PCDHGA8: variants seen among roughly 807,000 people sequenced by gnomAD.
PCDHGA8 encodes the protein protocadherin gamma-A8.
Under a neutral mutation model 59.2 loss-of-function variants are expected in PCDHGA8, and 45 were observed. The observed-to-expected ratio is 0.76, with a 90% CI of 0.60 to 0.98. The LOEUF is 0.98. Ranked by LOEUF, PCDHGA8 falls within the 50% of genes least tolerant of loss-of-function variation. The probability of loss-of-function intolerance (pLI) is 0.00; values close to 1 mark genes in which losing one functional copy is unlikely to be tolerated. For missense variants in PCDHGA8, 1,257 were observed against 1,196.2 expected, an observed-to-expected ratio of 1.05 and a Z score of -0.75; for synonymous variants, 531 against 519.0, an observed-to-expected ratio of 1.02 and a Z score of -0.32.
intron 1 of PCDHGA8, among the ~76,000 whole-genome samples, chr5:141,425,922 A>G (rs1485934946): frequency 6.6e-6 from 1 of 152,240 alleles, no homozygotes; most frequent in Non-Finnish European, 1.5e-5. Context: ...TCACTACGAA[A>G]ACTCATAAAA....
At chr5:141,402,908 G>A (rs772824235) in intron 1 of PCDHGA8, 1 of 1,545,226 alleles carries the variant, frequency 6.5e-7, no homozygotes, top group Admixed American at 2.0e-5. Context: ...TGATGAAGCA[G>A]CGCGCACAGA....
chr5:141,448,166 A>G (rs1475687778), intron 1 of PCDHGA8, among the ~76,000 whole-genome samples: 2 of 151,978 alleles, frequency 1.3e-5, no homozygotes, highest in Non-Finnish European at 2.9e-5. Context: ...AAAGATCACT[A>G]CTATTCATCC....
chr5:141,479,109 A>G (rs925202951), intron 1 of PCDHGA8, among the ~76,000 whole-genome samples: 4 of 152,234 alleles, frequency 2.6e-5, no homozygotes, highest in Admixed American at 2.6e-4. Context: ...TATTTCAAGC[A>G]TTCTACTGGA....
intron 1 of PCDHGA8, among the ~76,000 whole-genome samples, chr5:141,425,048 T>C (rs1590618422): frequency 6.6e-6 from 1 of 152,350 alleles, no homozygotes; most frequent in African/African-American, 2.4e-5. Flanking sequence ...AAACTGACTA[T>C]CTAGGGCTCG....
chr5:141,504,583 A>C (rs1230825472), intron 2 of PCDHGA8, among the ~76,000 whole-genome samples: 5 of 146,622 alleles, frequency 3.4e-5, no homozygotes, highest in Non-Finnish European at 7.4e-5. Context: ...CCATCTGCCC[A>C]GGATTCACAG....
intron 1 of PCDHGA8, chr5:141,417,670 A>T: frequency 1.1e-6 from 1 of 929,118 alleles, no homozygotes; most frequent in Admixed American, 3.2e-5. Context: ...TTCCCTGCGC[A>T]GCCAACAACA....
rs922804811 is a variant in PCDHGA8 at position 141,432,794 on chromosome 5, G to A, written c.2424+37557G>A. On this transcript the variant is annotated intron_variant, in intron 1 of 3. Coordinates refer to ENST00000398604, the MANE Select transcript of PCDHGA8 (RefSeq NM_032088.2). This position sits in a 1 kb window ranked among gnomAD's most constrained non-coding sequence, Gnocchi z 6.0. ...AGTCCTGGCGGACCTCGGCAGCCTC[G>A]AGTCTCCAGCTAACTCTGAAACCTC... The A allele has an allele frequency of 3.7e-6, 6 of 1,614,138 alleles. No homozygotes were observed. Among genetic ancestry groups the A allele is most frequent in the Non-Finnish European group, 5.1e-6 (6 of 1,180,000 alleles).
intron 1 of PCDHGA8, chr5:141,427,310 C>A (rs989300491): frequency 2.2e-5 from 10 of 456,738 alleles, no homozygotes; most frequent in African/African-American, 1.8e-4. Flanking sequence ...ATGACAATGC[C>A]CCAGACGTGG....
chr5:141,409,213 C>T (rs1379007048), intron 1 of PCDHGA8: 1 of 1,613,994 alleles, frequency 6.2e-7, no homozygotes, highest in Admixed American at 1.7e-5. Context: ...TCATAGAAAT[C>T]CTTGATGAAA....
chr5:141,497,312 G>A (rs940721317), intron 2 of PCDHGA8, among the ~76,000 whole-genome samples: 7 of 152,038 alleles, frequency 4.6e-5, no homozygotes, highest in African/African-American at 1.7e-4. Flanking sequence ...CCATACACTG[G>A]CTTTGAAGCA....
intron 1 of PCDHGA8, chr5:141,410,849 CTTTT>C (rs759346998): frequency 4.9e-3 from 673 of 137,520 alleles, no homozygotes; most frequent in South Asian, 8.7e-3. Flanking sequence ...TTGTCTTTGT[CTTTT>C]TTTTTTTTTT....
intron 1 of PCDHGA8, chr5:141,410,442 C>G (rs1444532577): frequency 6.2e-7 from 1 of 1,613,942 alleles, no homozygotes; most frequent in Admixed American, 1.7e-5. Context: ...AGTGAGGGGA[C>G]TTTGCCTTAT....
chr5:141,421,541 T>A (rs1235004908), intron 1 of PCDHGA8: 9 of 1,613,912 alleles, frequency 5.6e-6, no homozygotes, highest in African/African-American at 1.3e-5. Flanking sequence ...TCCTGTTTTT[T>A]AAATATGGAA....
rs760509503 is a variant in PCDHGA8 at position 141,432,756 on chromosome 5, A to T, written c.2424+37519A>T. The T allele has an allele frequency of 5.6e-6, 9 of 1,613,958 alleles. No homozygotes were observed. Among genetic ancestry groups the T allele is most frequent in the Non-Finnish European group, 7.6e-6 (9 of 1,179,994 alleles). On this transcript the variant is annotated intron_variant, in intron 1 of 3. Transcript: ENST00000398604. This position sits in a 1 kb window ranked among gnomAD's most constrained non-coding sequence, Gnocchi z 6.0. ...GTCACGCTCACCGTGGCCGTGGCCG[A>T]CAGCATCCCCCAAGTCCTGGCGGAC...
At position 141,487,796 on chromosome 5, in the gene PCDHGA8, T is replaced by C. The variant is rs766798983; in HGVS notation, c.2425-7011T>C. ...TAACTGTTTCGTGAATTAACCAGAG[T>C]TGTCACAGTTTAGCATTGGGGGCGG... On this transcript the variant is annotated intron_variant, in intron 1 of 3. Coordinates refer to ENST00000398604, the MANE Select transcript of PCDHGA8 (RefSeq NM_032088.2). The surrounding 1 kb of genome is among the most constrained non-coding windows in gnomAD (Gnocchi z 5.0). 15 of 1,498,660 alleles carry C rather than the reference T, an allele frequency of 1.0e-5. No homozygotes were observed. The highest frequency in any genetic ancestry group is 1.4e-5 in the Non-Finnish European group (15 of 1,110,900). 92.8% of individuals were successfully genotyped at this position (1,498,660 alleles called of 1,614,324 possible). A position where few individuals can be genotyped will look rare whatever the true frequency, so the allele number is the denominator to read the frequency against.
At position 141,489,635 on chromosome 5, in the gene PCDHGA8, G is replaced by A. The variant is rs1380466520; in HGVS notation, c.2425-5172G>A. On this transcript the variant is annotated intron_variant, in intron 1 of 3. Coordinates refer to ENST00000398604, the MANE Select transcript of PCDHGA8 (RefSeq NM_032088.2). The surrounding 1 kb of genome is among the most constrained non-coding windows in gnomAD (Gnocchi z 4.5). Reference sequence around the variant, plus strand: ...CTGGATCTCAATGACAACTCTCCTAGCTTTGCCACCCCTGAGCGAGAGATG... The same window carrying A: ...CTGGATCTCAATGACAACTCTCCTAACTTTGCCACCCCTGAGCGAGAGATG... 6.2e-7 allele frequency: 1 copy of A among 1,614,142 alleles called. No individual in the cohort carries two copies. The highest frequency in any genetic ancestry group is 8.5e-7 in the Non-Finnish European group (1 of 1,180,012).
intron 2 of PCDHGA8, among the ~76,000 whole-genome samples, chr5:141,504,280 C>T (rs1027657223): frequency 6.6e-6 from 1 of 152,076 alleles, no homozygotes; most frequent in Admixed American, 6.6e-5. Context: ...AATTATGAAT[C>T]ATTTCATGTT....
chr5:141,407,505 T>TTTTTTTTTTTTTTTTTGAGACGG (rs1460306566), intron 1 of PCDHGA8, among the ~76,000 whole-genome samples: 2 of 152,146 alleles, frequency 1.3e-5, no homozygotes, highest in African/African-American at 4.8e-5. Flanking sequence ...CTGTTTTTCT[T>TTTTTTTTTTTTTTTTTGAGACGG]AGGCTATGTA....
chr5:141,393,000 G>C lies in PCDHGA8; in HGVS notation c.187G>C (p.Gly63Arg), dbSNP rs772046833. ...GGACCCCCGGAAGCTGGCGAAGCACGGAGTCCGTATCGTCTCCAGAGGTAG... is the reference window on the plus strand; with the variant it reads ...GGACCCCCGGAAGCTGGCGAAGCACCGAGTCCGTATCGTCTCCAGAGGTAG... ...GLDPRKLAKH[G>R]VRIVSRGRTQ... Residue 63 changes from glycine to arginine, a missense_variant, in exon 1 of 4, where the codon GGA (glycine) becomes CGA (arginine). Physicochemically the swap from Gly to Arg is moderately radical, Grantham distance 125. Coordinates refer to ENST00000398604, the MANE Select transcript of PCDHGA8 (RefSeq NM_032088.2). 3.1e-6 allele frequency: 5 copies of C among 1,613,856 alleles called. No individual in the cohort carries two copies. Among genetic ancestry groups the C allele is most frequent in the African/African-American group, 1.3e-5 (1 of 75,070 alleles).
Sources: allele counts gnomAD v4.1 joint callset (sites outside exome capture counted in the v4.1 genomes callset), GRCh38; gene constraint gnomAD v4.1.1; non-coding constraint Gnocchi (gnomAD v3.1); transcripts MANE v1.5; gene names NCBI Gene and HGNC (gene_info 2026-07-23, HGNC 2026-07-21).